Variants in SGCG observed in about 807,000 individuals in gnomAD.
SGCG encodes the protein sarcoglycan gamma, also known as gamma-sarcoglycan.
In SGCG, 26 loss-of-function variants were observed where a neutral mutation model predicts 29.3. The observed-to-expected ratio is 0.89, with a 90% CI of 0.65 to 1.23. The LOEUF (loss-of-function observed/expected upper bound fraction) is 1.23, where lower values mean the gene tolerates loss of function less well. Among genes scored for constraint, SGCG ranks in the 50% most tolerant of loss-of-function variants. The probability of loss-of-function intolerance (pLI) is 0.00; values close to 1 mark genes in which losing one functional copy is unlikely to be tolerated. For synonymous variants in SGCG, 145 were observed against 129.7 expected (o/e 1.12, Z -0.80); for missense variants, 353 against 356.0 (o/e 0.99, Z 0.07).
chr13:23,198,599 C>A (rs1170411226), intron 1 of SGCG, among the ~76,000 whole-genome samples: 1 of 152,102 alleles, frequency 6.6e-6, no homozygotes, highest in African/African-American at 2.4e-5. Flanking sequence ...ATAATCCCAG[C>A]ACTTTGGGAG....
intron 3 of SGCG, among the ~76,000 whole-genome samples, chr13:23,237,598 G>A (rs1879357767): frequency 6.6e-6 from 1 of 152,152 alleles, no homozygotes; most frequent in Non-Finnish European, 1.5e-5. Context: ...TACCTGAGGG[G>A]AGGAGGCTAC....
chr13:23,279,529 A>T, intron 5 of SGCG, 51 bp downstream of exon 5: 1 of 1,570,204 alleles, frequency 6.4e-7, no homozygotes, highest in Non-Finnish European at 8.7e-7. Flanking sequence ...ACACATCTGC[A>T]AAAACACATT....
intron 4 of SGCG, among the ~76,000 whole-genome samples, chr13:23,251,757 A>T (rs1411621920): frequency 6.6e-6 from 1 of 152,118 alleles, no homozygotes; most frequent in Non-Finnish European, 1.5e-5. Flanking sequence ...AATAAGAATA[A>T]CGAAGATATA....
At chr13:23,210,296 A>T (rs374075150) in intron 2 of SGCG, among the ~76,000 whole-genome samples, 178 of 152,336 alleles carry the variant, frequency 1.2e-3, no homozygotes, top group Non-Finnish European at 2.0e-3. Context: ...GCTCATCATA[A>T]TTGAGGAAAT....
intron 4 of SGCG, among the ~76,000 whole-genome samples, chr13:23,266,228 C>T (rs555969781): frequency 9.9e-5 from 15 of 150,832 alleles, no homozygotes; most frequent in East Asian, 5.9e-4. Context: ...GCCGAGATCA[C>T]GCCACTGCAC....
intron 2 of SGCG, among the ~76,000 whole-genome samples, chr13:23,230,038 C>A (rs970726914): frequency 6.6e-6 from 1 of 152,064 alleles, no homozygotes; most frequent in Admixed American, 6.5e-5. Context: ...ATTGAATAGG[C>A]AGTTATTTCC....
At chr13:23,296,511 T>A (rs773088272) in intron 6 of SGCG, among the ~76,000 whole-genome samples, 4 of 152,198 alleles carry the variant, frequency 2.6e-5, no homozygotes, top group Non-Finnish European at 4.4e-5. Flanking sequence ...TTCGTGGTCA[T>A]TACCACCATC....
At chr13:23,254,990 T>C (rs1188062001) in intron 4 of SGCG, among the ~76,000 whole-genome samples, 1 of 152,172 alleles carries the variant, frequency 6.6e-6, no homozygotes, top group Non-Finnish European at 1.5e-5. Context: ...GTCTGAAACA[T>C]GCTGCAGGGA....
chr13:23,215,979 A>T (rs943151284), intron 2 of SGCG, among the ~76,000 whole-genome samples: 3 of 150,240 alleles, frequency 2.0e-5, no homozygotes, highest in Non-Finnish European at 4.5e-5. Flanking sequence ...GACAGTACTC[A>T]GAAAACGAGA....
intron 3 of SGCG, chr13:23,245,825 T>C (rs1879688835): frequency 1.3e-5 from 2 of 152,200 alleles, no homozygotes; most frequent in Non-Finnish European, 2.9e-5. Flanking sequence ...AAGATGGTGA[T>C]TGAGCGCCCC....
chr13:23,226,557 C>T (rs1878908083), intron 2 of SGCG, among the ~76,000 whole-genome samples: 1 of 152,090 alleles, frequency 6.6e-6, no homozygotes, highest in Non-Finnish European at 1.5e-5. Flanking sequence ...CAACACAATG[C>T]CAATTGAAAT....
intron 7 of SGCG, 104 bp from the exon 8 acceptor site, chr13:23,324,264 C>A (rs956638753): frequency 1.3e-5 from 14 of 1,091,590 alleles, no homozygotes; most frequent in Middle Eastern, 4.2e-4. Context: ...ATTTTGTTTT[C>A]TATGAGGAGA....
chr13:23,217,189 T>A lies in SGCG; in HGVS notation c.195+13300T>A, dbSNP rs187731818. The stretch of plus-strand genomic sequence containing the variant: ...CTCAAATAGTTTCCTGAACACAGTT[T>A]ATTGAATAACTATGTTTCCTATTAG... On this transcript the variant is annotated intron_variant, in intron 2 of 7. Transcript: ENST00000218867. Among the ~76,000 whole-genome samples the A allele has an allele frequency of 3.3e-5, 5 of 152,274 alleles. No homozygotes were observed. In the East Asian group the frequency reaches 9.6e-4, roughly 29 times the overall value.
At chr13:23,241,441 G>A (rs1879510406) in intron 3 of SGCG, among the ~76,000 whole-genome samples, 1 of 152,020 alleles carries the variant, frequency 6.6e-6, no homozygotes, top group Admixed American at 6.6e-5. Context: ...AATCTAAACA[G>A]ACCAATAATG....
At chr13:23,192,803 A>G (rs898643161) in intron 1 of SGCG, among the ~76,000 whole-genome samples, 13 of 152,212 alleles carry the variant, frequency 8.5e-5, no homozygotes, top group Non-Finnish European at 1.6e-4. Context: ...ATGGAAATCT[A>G]TTTGACCAAT....
intron 3 of SGCG, chr13:23,245,348 C>T (rs1415696965): frequency 6.6e-6 from 1 of 152,096 alleles, no homozygotes; most frequent in Non-Finnish European, 1.5e-5. Context: ...CAAACAAGTT[C>T]CAGAACAGGT....
intron 2 of SGCG, among the ~76,000 whole-genome samples, chr13:23,221,739 C>A (rs1410519): frequency 0.77 from 117,393 of 152,116 alleles, 45,485 homozygotes; most frequent in East Asian, 0.92. Flanking sequence ...GCACACAGGA[C>A]TTAGATGATT....
chr13:23,283,194 T>C (rs951806022), intron 5 of SGCG, among the ~76,000 whole-genome samples: 1 of 152,194 alleles, frequency 6.6e-6, no homozygotes, highest in Non-Finnish European at 1.5e-5. Context: ...GTCTCATTAA[T>C]GTGTCTAATA....
intron 2 of SGCG, among the ~76,000 whole-genome samples, chr13:23,230,468 T>C (rs1397560672): frequency 6.6e-6 from 1 of 152,202 alleles, no homozygotes; most frequent in Non-Finnish European, 1.5e-5. Flanking sequence ...TTGAGCAGTG[T>C]TTCGTAATTC....
Sources: allele counts gnomAD v4.1 joint callset (sites outside exome capture counted in the v4.1 genomes callset), GRCh38; gene constraint gnomAD v4.1.1; transcripts MANE v1.5; gene names NCBI Gene and HGNC (gene_info 2026-07-23, HGNC 2026-07-21).